The following WAC variants were observed in gnomAD, a reference collection of about 807,000 sequenced individuals.
The protein encoded by WAC is WW domain containing adaptor with coiled-coil, also known as WW domain-containing adapter protein with coiled-coil.
In WAC, 11 loss-of-function variants were observed where a neutral mutation model predicts 79.6. The ratio of observed to expected loss-of-function variants is 0.14; its 90% CI spans 0.09 to 0.23. The LOEUF is 0.23. Ranked by LOEUF, WAC falls within the 10% of genes least tolerant of loss-of-function variation. WAC has a pLI of 1.00. For missense variants in WAC, 728 were observed against 773.5 expected (o/e 0.94, Z 0.70); for synonymous variants, 304 against 276.9 (o/e 1.10, Z -0.97).
At chr10:28,541,803 C>T (rs1837066795) in intron 3 of WAC, among the ~76,000 whole-genome samples, 1 of 152,106 alleles carries the variant, frequency 6.6e-6, no homozygotes, top group Non-Finnish European at 1.5e-5. Flanking sequence ...AACTAATTCT[C>T]ACTATTTTAT....
At chr10:28,618,735 CTG>C (rs1404324554) in intron 13 of WAC, among the ~76,000 whole-genome samples, 4 of 152,084 alleles carry the variant, frequency 2.6e-5, no homozygotes, top group Admixed American at 1.3e-4. Context: ...ATCTGGGTAA[CTG>C]GGGTTTGTGT....
At chr10:28,617,429 A>G (rs966295369) in intron 12 of WAC, among the ~76,000 whole-genome samples, 17 of 152,164 alleles carry the variant, frequency 1.1e-4, no homozygotes, top group Admixed American at 7.9e-4. Flanking sequence ...TGGAAATCCT[A>G]TTTTCTCCAA....
chr10:28,595,429 TTTTG>T (rs1564408082), intron 6 of WAC, among the ~76,000 whole-genome samples: 2 of 152,268 alleles, frequency 1.3e-5, no homozygotes, highest in African/African-American at 2.4e-5. Flanking sequence ...GATTTTTTTT[TTTTG>T]TGTTTTGTTT....
At chr10:28,579,283 CATT>C (rs1355371506) in intron 3 of WAC, among the ~76,000 whole-genome samples, 1 of 151,136 alleles carries the variant, frequency 6.6e-6, no homozygotes, top group African/African-American at 2.4e-5. Context: ...TTTTTTGGAT[CATT>C]GTGTGACCCA....
intron 3 of WAC, among the ~76,000 whole-genome samples, chr10:28,549,028 A>G (rs1215884447): frequency 1.3e-5 from 2 of 152,162 alleles, no homozygotes; most frequent in African/African-American, 4.8e-5. Context: ...CCTCCCAAGT[A>G]GTTGAGCCTG....
chr10:28,605,430 G>A (rs1399826919), intron 7 of WAC, among the ~76,000 whole-genome samples: 2 of 152,092 alleles, frequency 1.3e-5, no homozygotes, highest in Non-Finnish European at 2.9e-5. Flanking sequence ...AGTCTGTTGA[G>A]GACTAATACC....
chr10:28,533,470 C>A lies in WAC; in HGVS notation c.-110C>A. The stretch of plus-strand genomic sequence containing the variant: ...TGAGAGTCGCCGAGGGCGCGCCGGG[C>A]CCAGGTGCCGGGGCTGCCCGCCGCC... On this transcript the variant is annotated 5_prime_UTR_variant, in exon 1 of 14. Coordinates refer to ENST00000354911, the MANE Select transcript of WAC (RefSeq NM_016628.5). 1.9e-6 allele frequency: 1 copy of A among 538,306 alleles called. No homozygotes were observed. The highest frequency in any genetic ancestry group is 2.4e-6 in the Non-Finnish European group (1 of 415,084). 33.3% of individuals were successfully genotyped at this position (538,306 alleles called of 1,614,324 possible).
At chr10:28,542,057 C>T (rs1177835878) in intron 3 of WAC, among the ~76,000 whole-genome samples, 1 of 152,154 alleles carries the variant, frequency 6.6e-6, no homozygotes, top group African/African-American at 2.4e-5. Flanking sequence ...GCCTCTTCTA[C>T]TATCTTCCCC....
At chr10:28,570,158 T>TAAATATATAC (rs1838864676) in intron 3 of WAC, among the ~76,000 whole-genome samples, 1 of 152,212 alleles carries the variant, frequency 6.6e-6, no homozygotes, top group Non-Finnish European at 1.5e-5. Flanking sequence ...TACGCTACCT[T>TAAATATATAC]TTTTCTCTCT....
chr10:28,534,149 G>T, intron 2 of WAC, 115 bp downstream of exon 2: 1 of 1,020,354 alleles, frequency 9.8e-7, no homozygotes, highest in Non-Finnish European at 1.4e-6. Flanking sequence ...CAACACATCT[G>T]AAACTAGCAC....
chr10:28,563,756 T>TA (rs1838431809), intron 3 of WAC, among the ~76,000 whole-genome samples: 1 of 90,158 alleles, frequency 1.1e-5, no homozygotes, highest in African/African-American at 3.4e-5. Flanking sequence ...TTTTTTTTTT[T>TA]TTTTTTTTTT....
rs73609832 is a variant in WAC at position 28,617,442 on chromosome 10, T to C, written c.1747-215T>C. On this transcript the variant is annotated intron_variant, in intron 12 of 13. Coordinates refer to ENST00000354911, the MANE Select transcript of WAC (RefSeq NM_016628.5). The stretch of plus-strand genomic sequence containing the variant: ...GTTGGAAATCCTATTTTCTCCAACT[T>C]AGAAGAGAAATATTAAAATAAGTAC... Among the ~76,000 whole-genome samples, 461 of 152,344 alleles carry C rather than the reference T, an allele frequency of 3.0e-3. 2 individuals are homozygous for C. Among genetic ancestry groups the C allele is most frequent in the African/African-American group, 0.011 (446 of 41,578 alleles).
At chr10:28,568,544 C>CT (rs1423899103) in intron 3 of WAC, among the ~76,000 whole-genome samples, 1 of 151,962 alleles carries the variant, frequency 6.6e-6, no homozygotes, top group Non-Finnish European at 1.5e-5. Context: ...CCATGCCAGG[C>CT]TAATTTTTTT....
At chr10:28,598,754 G>T (rs913175828) in intron 7 of WAC, among the ~76,000 whole-genome samples, 1 of 152,200 alleles carries the variant, frequency 6.6e-6, no homozygotes, top group Non-Finnish European at 1.5e-5. Context: ...ATCTATGTCA[G>T]TTCGGACGCT....
intron 3 of WAC, among the ~76,000 whole-genome samples, chr10:28,568,547 A>G (rs1372162636): frequency 6.8e-6 from 1 of 147,182 alleles, no homozygotes; most frequent in African/African-American, 2.5e-5. Flanking sequence ...TGCCAGGCTA[A>G]TTTTTTTTTT....
chr10:28,607,607 A>G (rs1841022733), intron 7 of WAC, among the ~76,000 whole-genome samples: 1 of 152,180 alleles, frequency 6.6e-6, no homozygotes, highest in Admixed American at 6.5e-5. Flanking sequence ...ATTGAATTAC[A>G]AAAGGGAAGT....
rs1468496369 is a variant in WAC at position 28,537,277 on chromosome 10, T to C, written c.274+1520T>C. Among the ~76,000 whole-genome samples the C allele has an allele frequency of 3.3e-5, 5 of 152,346 alleles. No individual in the cohort carries two copies. In the East Asian group the frequency reaches 9.6e-4, roughly 29 times the overall value. Reference sequence around the variant, plus strand: ...ATTAAGCTTTTAGAGTTATCAGTTTTGTGGGTAAGTTTTCCATAGTATTAT... The same window carrying C: ...ATTAAGCTTTTAGAGTTATCAGTTTCGTGGGTAAGTTTTCCATAGTATTAT... On this transcript the variant is annotated intron_variant, in intron 3 of 13. Coordinates refer to ENST00000354911, the MANE Select transcript of WAC (RefSeq NM_016628.5).
chr10:28,589,869 T>G lies in WAC; in HGVS notation c.497+18T>G. On this transcript the variant is annotated intron_variant, in intron 5 of 13. Coordinates refer to ENST00000354911, the MANE Select transcript of WAC (RefSeq NM_016628.5). Reference sequence around the variant, plus strand: ...CTTGAAAGGTAATTAGCTTTTAATCTAATTAAACATTATTTCTCTAGCTTG... The same window carrying G: ...CTTGAAAGGTAATTAGCTTTTAATCGAATTAAACATTATTTCTCTAGCTTG... The G allele has an allele frequency of 1.3e-6, 2 of 1,514,442 alleles. No homozygotes were observed. 93.8% of individuals were successfully genotyped at this position (1,514,442 alleles called of 1,614,324 possible).
chr10:28,618,532 TAACA>T (rs1841572607), intron 13 of WAC, among the ~76,000 whole-genome samples: 1 of 152,252 alleles, frequency 6.6e-6, no homozygotes, highest in Admixed American at 6.5e-5. Flanking sequence ...AAAGTAGTTC[TAACA>T]AACTTCATTT....
Sources: allele counts gnomAD v4.1 joint callset (sites outside exome capture counted in the v4.1 genomes callset), GRCh38; gene constraint gnomAD v4.1.1; transcripts MANE v1.5; gene names NCBI Gene and HGNC (gene_info 2026-07-23, HGNC 2026-07-21).